Variants in CNTNAP4 observed in about 807,000 individuals in gnomAD.
The protein encoded by CNTNAP4 is contactin associated protein family member 4, also known as contactin-associated protein-like 4.
CNTNAP4 carries 98 observed loss-of-function variants against 148.4 expected under a neutral mutation model. The ratio of observed to expected loss-of-function variants is 0.66; its 90% CI spans 0.56 to 0.78. The LOEUF is 0.78. CNTNAP4 is among the 30% of genes least tolerant of loss of function. CNTNAP4 has a pLI of 0.00. For missense variants in CNTNAP4, 1,935 were observed against 1,565.6 expected, an observed-to-expected ratio of 1.24 and a Z score of -3.98; for synonymous variants, 730 against 565.1, an observed-to-expected ratio of 1.29 and a Z score of -4.14.
At position 76,509,492 on chromosome 16, in the gene CNTNAP4, C is replaced by T. The variant is rs528927629; in HGVS notation, c.2365+10798C>T. Among the ~76,000 whole-genome samples, 6 of 97,766 alleles carry T rather than the reference C, an allele frequency of 6.1e-5. 2 individuals carry two copies. The highest frequency in any genetic ancestry group is 1.0e-4 in the African/African-American group (4 of 38,972). 64.1% of individuals were successfully genotyped at this position (97,766 alleles called of 152,430 possible). ...TGAGAAAGAAAACACCAAATTTAAG[C>T]CAAGATGGCTCATGAAATTTATATA... On this transcript the variant is annotated intron_variant, in intron 15 of 23. Coordinates refer to ENST00000611870, the MANE Select transcript of CNTNAP4 (RefSeq NM_033401.5).
At chr16:76,529,106 A>G (rs1350003868) in intron 17 of CNTNAP4, among the ~76,000 whole-genome samples, 2 of 152,212 alleles carry the variant, frequency 1.3e-5, no homozygotes, top group Admixed American at 6.5e-5. Context: ...TCTCCTCCAG[A>G]TAATTCCAGC....
At chr16:76,388,382 C>T (rs558076093) in intron 3 of CNTNAP4, among the ~76,000 whole-genome samples, 19 of 152,346 alleles carry the variant, frequency 1.2e-4, no homozygotes, top group African/African-American at 3.1e-4. Flanking sequence ...AAATACCATT[C>T]TTTCTTACTT....
intron 2 of CNTNAP4, among the ~76,000 whole-genome samples, chr16:76,344,450 G>T (rs905901625): frequency 3.3e-5 from 5 of 152,186 alleles, no homozygotes; most frequent in African/African-American, 9.7e-5. Context: ...TGTATTAGCA[G>T]ATTTGGGGAT....
chr16:76,474,876 G>A (rs1378216338), intron 10 of CNTNAP4, among the ~76,000 whole-genome samples: 1 of 152,056 alleles, frequency 6.6e-6, no homozygotes, highest in Non-Finnish European at 1.5e-5. Flanking sequence ...TAACAACTTA[G>A]GAGCCTTTTG....
intron 1 of CNTNAP4, among the ~76,000 whole-genome samples, chr16:76,297,502 A>G (rs1959437120): frequency 6.6e-6 from 1 of 152,194 alleles, no homozygotes; most frequent in South Asian, 2.1e-4. Flanking sequence ...ACAGTGAAAA[A>G]TTAAATTCTT....
chr16:76,544,243 A>G (rs767076820), intron 21 of CNTNAP4, among the ~76,000 whole-genome samples: 8 of 152,058 alleles, frequency 5.3e-5, no homozygotes, highest in Admixed American at 1.3e-4. Context: ...TTTGCCTACA[A>G]TTACAACAAA....
rs182395960 is a variant in CNTNAP4 at position 76,559,928 on chromosome 16, C to T, written c.*1245C>T. On this transcript the variant is annotated 3_prime_UTR_variant, in exon 24 of 24. Coordinates refer to ENST00000611870, the MANE Select transcript of CNTNAP4 (RefSeq NM_033401.5). ...ATTAAATGATCTACTGTGAATTTGT[C>T]ATTCCAGACACTTCTCGTCTGAAAC... Among the ~76,000 whole-genome samples, 1 of 152,270 alleles carries T rather than the reference C, an allele frequency of 6.6e-6. No individual in the cohort carries two copies. The highest frequency in any genetic ancestry group is 6.5e-5 in the Admixed American group (1 of 15,284).
At chr16:76,434,076 A>G (rs866684483) in intron 4 of CNTNAP4, among the ~76,000 whole-genome samples, 2 of 149,872 alleles carry the variant, frequency 1.3e-5, no homozygotes, top group South Asian at 4.2e-4. Context: ...ATTTATATAT[A>G]CAAAGGGATA....
At chr16:76,477,533 C>A (rs1246078008) in intron 11 of CNTNAP4, among the ~76,000 whole-genome samples, 1 of 152,100 alleles carries the variant, frequency 6.6e-6, no homozygotes, top group African/African-American at 2.4e-5. Flanking sequence ...CCTCAGAAGC[C>A]CTGATTCGGT....
chr16:76,473,139 C>G (rs891349463), intron 10 of CNTNAP4, among the ~76,000 whole-genome samples: 1 of 151,994 alleles, frequency 6.6e-6, no homozygotes, highest in Non-Finnish European at 1.5e-5. Context: ...TTAAATAAAT[C>G]CTGACACATT....
In CNTNAP4 at chr16:76,369,124, C is replaced by T. The variant is rs535807104; in HGVS notation, c.390+13613C>T. 2.0e-5 allele frequency among the ~76,000 whole-genome samples: 3 copies of T among 150,668 alleles called. No homozygotes were observed. The South Asian group carries it at 6.3e-4, about 32-fold the overall frequency. On this transcript the variant is annotated intron_variant, in intron 3 of 23. Coordinates refer to ENST00000611870, the MANE Select transcript of CNTNAP4 (RefSeq NM_033401.5). Reference sequence around the variant, plus strand: ...ATGATATATAAATATATAAAAGTATCTTCAACCTCATTCAAAATAGAAATA... The same window carrying T: ...ATGATATATAAATATATAAAAGTATTTTCAACCTCATTCAAAATAGAAATA...
chr16:76,376,653 C>T (rs1413966742), intron 3 of CNTNAP4, among the ~76,000 whole-genome samples: 4 of 152,180 alleles, frequency 2.6e-5, no homozygotes, highest in African/African-American at 9.6e-5. Context: ...GTGATATGGC[C>T]TTCTGCAGCT....
At position 76,448,855 on chromosome 16, in the gene CNTNAP4, C is replaced by T; in HGVS notation, c.831C>T (p.Ile277=). Residue 277 remains isoleucine, a synonymous_variant, in exon 6 of 24, where the codon ATC becomes ATT. Transcript: ENST00000611870. The stretch of plus-strand genomic sequence containing the variant: ...ATCAGCATTGGCATTCAGTGCTCAT[C>T]CAGCGTTTGGGCAAACAAGTCAACT... ...LDDQHWHSVL[I]QRLGKQVNFT... is the part of the protein sequence containing the mutation. 2.5e-6 allele frequency: 4 copies of T among 1,613,518 alleles called. No homozygotes were observed. The highest frequency in any genetic ancestry group is 3.4e-6 in the Non-Finnish European group (4 of 1,179,710).
chr16:76,336,423 A>C lies in CNTNAP4; in HGVS notation c.197-18895A>C, dbSNP rs377107890. 3.3e-5 allele frequency among the ~76,000 whole-genome samples: 5 copies of C among 152,306 alleles called. No individual in the cohort carries two copies. The South Asian group carries it at 1.0e-3, about 32-fold the overall frequency. On this transcript the variant is annotated intron_variant, in intron 2 of 23. Coordinates refer to ENST00000611870, the MANE Select transcript of CNTNAP4 (RefSeq NM_033401.5). Reference sequence around the variant, plus strand: ...ATTTACACCACGGGAATTGACAAATACTACAAAGCAAGACTTTTCCCCCAA... The same window carrying C: ...ATTTACACCACGGGAATTGACAAATCCTACAAAGCAAGACTTTTCCCCCAA...
intron 1 of CNTNAP4, among the ~76,000 whole-genome samples, chr16:76,286,109 G>T (rs1156758404): frequency 6.7e-6 from 1 of 149,374 alleles, no homozygotes; most frequent in Non-Finnish European, 1.5e-5. Flanking sequence ...GACTGACCAA[G>T]GACAAAAAAG....
intron 3 of CNTNAP4, among the ~76,000 whole-genome samples, 176 bp downstream of exon 3, chr16:76,355,687 T>G (rs2144501385): frequency 6.6e-6 from 1 of 152,182 alleles, no homozygotes; most frequent in Middle Eastern, 3.4e-3. Flanking sequence ...TATGGTAAAT[T>G]TATGAGAATA....
rs1958524269 is a variant in CNTNAP4 at position 76,277,603 on chromosome 16, A to G, written c.-60A>G. On this transcript the variant is annotated 5_prime_UTR_variant, in exon 1 of 24. Transcript: ENST00000611870. Reference sequence around the variant, plus strand: ...CAGAGCTGGCAGAGCTACTGAGAAGAGGACTGGAGCGCTCTGAGAGCCTCT... The same window carrying G: ...CAGAGCTGGCAGAGCTACTGAGAAGGGGACTGGAGCGCTCTGAGAGCCTCT... The G allele has an allele frequency of 1.7e-6, 2 of 1,149,530 alleles. No individual in the cohort carries two copies. Among genetic ancestry groups the G allele is most frequent in the Non-Finnish European group, 2.6e-6 (2 of 779,988 alleles). The allele number at this position is 1,149,530 out of a possible 1,614,324, so 71.2% of individuals were successfully genotyped here.
Position 76,397,962 on chromosome 16 carries a change from A to G in CNTNAP4, c.391-29490A>G, listed in dbSNP as rs1452037734. 1.9e-3 allele frequency among the ~76,000 whole-genome samples: 69 copies of G among 35,774 alleles called. 5 individuals are homozygous for G. Among genetic ancestry groups the G allele is most frequent in the East Asian group, 0.015 (15 of 996 alleles). 23.5% of individuals were successfully genotyped at this position (35,774 alleles called of 152,430 possible). ...ATTATATACATATATATATATATAT[A>G]TATATATATATATATATATATATAT... On this transcript the variant is annotated intron_variant, in intron 3 of 23. Coordinates refer to ENST00000611870, the MANE Select transcript of CNTNAP4 (RefSeq NM_033401.5).
chr16:76,334,753 G>C (rs1427428350), intron 2 of CNTNAP4, among the ~76,000 whole-genome samples: 1 of 152,002 alleles, frequency 6.6e-6, no homozygotes, highest in African/African-American at 2.4e-5. Flanking sequence ...TTTTTTAGTG[G>C]CTTTGGACGT....
Sources: gnomAD v4.1 joint callset for allele counts (sites outside exome capture counted in the v4.1 genomes callset) on GRCh38, gnomAD v4.1.1 for gene constraint, MANE v1.5 for transcripts, NCBI Gene and HGNC (gene_info 2026-07-23, HGNC 2026-07-21) for gene names.